SIDT1: variants seen among roughly 807,000 people sequenced by gnomAD.
SIDT1 encodes the protein SID1 transmembrane family member 1, also known as SID1 transmembrane family, member 1.
In SIDT1, 101 loss-of-function variants were observed where a neutral mutation model predicts 107.5. The observed-to-expected ratio is 0.94, with a 90% confidence interval of 0.80 to 1.11. The LOEUF (loss-of-function observed/expected upper bound fraction) is 1.11, where lower values mean the gene tolerates loss of function less well. SIDT1 is among the 50% of genes least tolerant of loss of function. SIDT1 has a pLI of 0.00. For missense variants in SIDT1, 1,076 were observed against 1,058.2 expected (o/e 1.02, Z -0.23); for synonymous variants, 395 against 398.2 (o/e 0.99, Z 0.10).
chr3:113,572,590 T>C (rs549597307), intron 3 of SIDT1, among the ~76,000 whole-genome samples: 1 of 152,192 alleles, frequency 6.6e-6, no homozygotes, highest in East Asian at 1.9e-4. Context: ...AGATGAAAGA[T>C]GAGGGACAAA....
chr3:113,580,046 G>A (rs1943210533), intron 4 of SIDT1, among the ~76,000 whole-genome samples: 1 of 152,156 alleles, frequency 6.6e-6, no homozygotes, highest in Admixed American at 6.5e-5. Flanking sequence ...TCCACATGGG[G>A]CTTGGTCTTT....
intron 21 of SIDT1, among the ~76,000 whole-genome samples, chr3:113,620,840 C>T (rs1363201227): frequency 6.6e-6 from 1 of 152,160 alleles, no homozygotes; most frequent in African/African-American, 2.4e-5. Flanking sequence ...AATGACCAAC[C>T]TTTGACTATG....
intron 9 of SIDT1, among the ~76,000 whole-genome samples, chr3:113,588,555 A>G (rs1306998791): frequency 6.6e-6 from 1 of 152,222 alleles, no homozygotes; most frequent in Non-Finnish European, 1.5e-5. Flanking sequence ...GTAAGAATCC[A>G]AAGTGTCTTC....
At chr3:113,544,666 C>T (rs193068125) in intron 1 of SIDT1, among the ~76,000 whole-genome samples, 15 of 152,238 alleles carry the variant, frequency 9.9e-5, no homozygotes, top group Admixed American at 4.6e-4. Flanking sequence ...TGACATAACA[C>T]GCAGAACTGG....
At chr3:113,558,450 G>T (rs1224201102) in intron 1 of SIDT1, among the ~76,000 whole-genome samples, 2 of 152,146 alleles carry the variant, frequency 1.3e-5, no homozygotes, top group Non-Finnish European at 2.9e-5. Flanking sequence ...TTACAGGAAG[G>T]CACCAACTGA....
At chr3:113,601,560 G>A (rs1048874875) in intron 10 of SIDT1, 28 bp from the exon 11 acceptor site, 2 of 1,536,622 alleles carry the variant, frequency 1.3e-6, no homozygotes, top group Non-Finnish European at 1.8e-6. Flanking sequence ...TGGACATAAA[G>A]TGTTTGCCTC....
rs372336606 is a variant in SIDT1 at position 113,601,600 on chromosome 3, T to A, written c.1058T>A (p.Met353Lys). ...SFGSNDGSGN[M>K]VASHPIAAST... ...CTTTTTTTAACAGGCTCTGGAAATA[T>A]GGTGGCATCTCATCCCATTGCTGCC... Residue 353 changes from methionine (M) to lysine (K), a missense_variant, in exon 11 of 25, where the codon ATG becomes AAG. Met to Lys is a moderately conservative substitution (Grantham distance 95). Coordinates refer to ENST00000264852, the MANE Select transcript of SIDT1 (RefSeq NM_017699.3). 5 of 1,613,694 alleles carry A rather than the reference T, an allele frequency of 3.1e-6. No homozygotes were observed. Among genetic ancestry groups the A allele is most frequent in the Middle Eastern group, 1.6e-4 (1 of 6,082 alleles).
intron 9 of SIDT1, chr3:113,589,894 T>C (rs1295155655): frequency 6.5e-6 from 1 of 153,192 alleles, no homozygotes; most frequent in African/African-American, 2.4e-5. Flanking sequence ...TCATCTTCTA[T>C]GTGCCAGCTA....
chr3:113,633,211 AAC>A (rs1387587040), downstream of SIDT1, among the ~76,000 whole-genome samples: 1 of 152,114 alleles, frequency 6.6e-6, no homozygotes, highest in Non-Finnish European at 1.5e-5. Context: ...CACAAAACCA[AAC>A]ACAGAAATAA....
At position 113,575,623 on chromosome 3, in the gene SIDT1, C is replaced by T. The variant is rs1362261655; in HGVS notation, c.516-1299C>T. 3.3e-5 allele frequency among the ~76,000 whole-genome samples: 5 copies of T among 152,176 alleles called. No homozygotes were observed. The East Asian group carries it at 7.7e-4, about 23-fold the overall frequency. On this transcript the variant is annotated intron_variant, in intron 3 of 24. Coordinates refer to ENST00000264852, the MANE Select transcript of SIDT1 (RefSeq NM_017699.3). ...TATATAAAAATTACATCTATTGTTG[C>T]GAGCTAAATTCTGAGCCCAGCCTGA...
intron 1 of SIDT1, among the ~76,000 whole-genome samples, chr3:113,549,580 A>G (rs1939981933): frequency 1.3e-5 from 2 of 152,012 alleles, no homozygotes; most frequent in African/African-American, 4.8e-5. Flanking sequence ...ATGTCTGTTT[A>G]TTTTTAAATT....
chr3:113,626,632 A>C lies in SIDT1; in HGVS notation c.2421+417A>C, dbSNP rs147206528. ...TCCCTGAATATTTCACAAATATTTTACATATTCCTTAAGTGGCTTGGGGTA... is the reference window on the plus strand; with the variant it reads ...TCCCTGAATATTTCACAAATATTTTCCATATTCCTTAAGTGGCTTGGGGTA... On this transcript the variant is annotated intron_variant, in intron 24 of 24. Transcript: ENST00000264852. 3.3e-5 allele frequency among the ~76,000 whole-genome samples: 5 copies of C among 152,288 alleles called. No homozygotes were observed. In the East Asian group the frequency reaches 7.7e-4, roughly 23 times the overall value.
intron 24 of SIDT1, 102 bp from the exon 25 acceptor site, chr3:113,627,544 G>A: frequency 9.4e-7 from 1 of 1,060,962 alleles, no homozygotes; most frequent in Middle Eastern, 2.1e-4. Flanking sequence ...AGAATGAGAG[G>A]GAACTAACAG....
intron 3 of SIDT1, among the ~76,000 whole-genome samples, chr3:113,569,716 A>G (rs1026132454): frequency 2.6e-5 from 4 of 152,186 alleles, no homozygotes; most frequent in Non-Finnish European, 4.4e-5. Flanking sequence ...AGGACACTCT[A>G]TCCTCCACAA....
chr3:113,556,625 G>A (rs1194025473), intron 1 of SIDT1, among the ~76,000 whole-genome samples: 1 of 152,156 alleles, frequency 6.6e-6, no homozygotes, highest in Non-Finnish European at 1.5e-5. Flanking sequence ...CAAACCAGAA[G>A]TGGTTTCCTG....
At position 113,533,377 on chromosome 3, in the gene SIDT1, C is replaced by T. The variant is rs3732798; in HGVS notation, c.222+134C>T. The T allele has an allele frequency of 2.1e-3, 1,382 of 649,820 alleles. 32 individuals carry two copies. The East Asian group carries it at 0.037, about 17-fold the overall frequency. The allele number at this position is 649,820 out of a possible 1,614,324, so 40.3% of individuals were successfully genotyped here. On this transcript the variant is annotated intron_variant, in intron 1 of 24. Transcript: ENST00000264852. ...GGGGACTTTCTTTCCCTTTCTCCTC[C>T]GAAGCAATCGCTGCCCTGCCCTAGC...
chr3:113,617,643 C>T (rs1946195725), intron 20 of SIDT1, among the ~76,000 whole-genome samples: 1 of 152,176 alleles, frequency 6.6e-6, no homozygotes, highest in African/African-American at 2.4e-5. Context: ...TGAAAAAGTC[C>T]ATCAGGACTT....
At chr3:113,539,694 T>C (rs1195562573) in intron 1 of SIDT1, among the ~76,000 whole-genome samples, 1 of 152,188 alleles carries the variant, frequency 6.6e-6, no homozygotes, top group South Asian at 2.1e-4. Flanking sequence ...ATCAACTTAG[T>C]TACTATCTTA....
At chr3:113,589,618 C>G (rs945625271) in intron 9 of SIDT1, among the ~76,000 whole-genome samples, 1 of 148,732 alleles carries the variant, frequency 6.7e-6, no homozygotes, top group Admixed American at 6.8e-5. Flanking sequence ...ACTGTAACCT[C>G]TGCCTCCTGG....
Sources: allele counts gnomAD v4.1 joint callset (sites outside exome capture counted in the v4.1 genomes callset), GRCh38; gene constraint gnomAD v4.1.1; transcripts MANE v1.5; gene names NCBI Gene and HGNC (gene_info 2026-07-23, HGNC 2026-07-21).